The following DCDC1 variants were observed in gnomAD, a reference collection of about 807,000 sequenced individuals.
The protein encoded by DCDC1 is doublecortin domain containing 1.
A neutral mutation model predicts 178.3 loss-of-function variants in DCDC1; 200 were observed. The ratio of observed to expected loss-of-function variants is 1.12; its 90% CI spans 1.00 to 1.26. DCDC1 has a LOEUF of 1.26. DCDC1 is among the 50% of genes most tolerant of loss of function. The probability of loss-of-function intolerance (pLI) is 0.00; values close to 1 mark genes in which losing one functional copy is unlikely to be tolerated. For synonymous variants in DCDC1, 690 were observed against 604.8 expected (o/e 1.14, Z -2.07); for missense variants, 1,983 against 1,749.2 (o/e 1.13, Z -2.38).
chr11:30,954,092 T>C (rs1347923656), intron 20 of DCDC1, among the ~76,000 whole-genome samples: 2 of 143,994 alleles, frequency 1.4e-5, no homozygotes, highest in Non-Finnish European at 3.0e-5. Flanking sequence ...CTCGGCTCAC[T>C]GCAAACTCCG....
intron 9 of DCDC1, among the ~76,000 whole-genome samples, chr11:31,154,102 TC>T: frequency 1.3e-5 from 2 of 152,164 alleles, no homozygotes; most frequent in Middle Eastern, 3.4e-3. Context: ...GTGTGGCACT[TC>T]CCCTCACTCT....
chr11:30,880,948 T>C (rs980091378), intron 37 of DCDC1, among the ~76,000 whole-genome samples: 2 of 152,184 alleles, frequency 1.3e-5, no homozygotes, highest in African/African-American at 2.4e-5. Flanking sequence ...CAAGATTAAC[T>C]GAAATGCGAT....
chr11:31,047,009 A>T (rs184396305), intron 20 of DCDC1, among the ~76,000 whole-genome samples: 28 of 152,150 alleles, frequency 1.8e-4, no homozygotes, highest in Non-Finnish European at 2.9e-4. Context: ...CTTCTCTTCC[A>T]CAATGTCTTC....
chr11:30,948,223 G>T (rs545991778), intron 21 of DCDC1, among the ~76,000 whole-genome samples: 1 of 152,126 alleles, frequency 6.6e-6, no homozygotes, highest in East Asian at 1.9e-4. Flanking sequence ...GACAAGCAGA[G>T]AGCCAAATAA....
chr11:31,250,411 CACACAT>C (rs1418871689), intron 8 of DCDC1, among the ~76,000 whole-genome samples: 5 of 97,526 alleles, frequency 5.1e-5, no homozygotes, highest in African/African-American at 2.1e-4. Context: ...CACACACACA[CACACAT>C]ATACATATAT....
At position 30,915,516 on chromosome 11, in the gene DCDC1, G is replaced by C; in HGVS notation, c.3648C>G (p.Asp1216Glu). The C allele has an allele frequency of 6.2e-7, 1 of 1,613,882 alleles. No homozygotes were observed. The highest frequency in any genetic ancestry group is 2.2e-5 in the East Asian group (1 of 44,880). Residue 1216 changes from aspartate to glutamate, a missense_variant, in exon 27 of 39, where the codon GAC (aspartate) becomes GAG (glutamate). Physicochemically the swap from Asp to Glu is conservative, Grantham distance 45 (BLOSUM62 2). Transcript: ENST00000684477. ...CCCAAATATAATGGGATTACCTGCT[G>C]TCTTCCTGGTGTATCCAGCGCTGAT... Reference protein sequence around the residue: ...GSHQRWIHQEDSRTFHLVSNP... With the variant: ...GSHQRWIHQEESRTFHLVSNP...
chr11:31,164,946 TC>T (rs1555095058), intron 9 of DCDC1, among the ~76,000 whole-genome samples: 3 of 152,206 alleles, frequency 2.0e-5, no homozygotes, highest in Non-Finnish European at 4.4e-5. Context: ...ACCTTTTCTA[TC>T]ATGTTTTTAC....
At chr11:31,037,029 A>G (rs1039838690) in intron 20 of DCDC1, among the ~76,000 whole-genome samples, 5 of 152,186 alleles carry the variant, frequency 3.3e-5, no homozygotes, top group Non-Finnish European at 7.4e-5. Flanking sequence ...CAGTATTTAA[A>G]CTGAAGCAGC....
At chr11:31,059,897 A>C (rs969383183) in intron 20 of DCDC1, among the ~76,000 whole-genome samples, 1 of 152,070 alleles carries the variant, frequency 6.6e-6, no homozygotes, top group Non-Finnish European at 1.5e-5. Context: ...GGTTTTTACA[A>C]TTTATAATTA....
intron 9 of DCDC1, among the ~76,000 whole-genome samples, chr11:31,220,179 A>C (rs539260842): frequency 2.8e-4 from 43 of 152,358 alleles, no homozygotes; most frequent in African/African-American, 9.1e-4. Flanking sequence ...TAAAATTCAT[A>C]CCACAAAATA....
chr11:31,310,255 C>G (rs1948689422), intron 3 of DCDC1, among the ~76,000 whole-genome samples: 1 of 140,576 alleles, frequency 7.1e-6, no homozygotes, highest in Non-Finnish European at 1.5e-5. Context: ...TATGAATAGT[C>G]TTCAGCTTTG....
At chr11:31,034,828 T>C (rs1374560617) in intron 20 of DCDC1, among the ~76,000 whole-genome samples, 1 of 152,220 alleles carries the variant, frequency 6.6e-6, no homozygotes, top group African/African-American at 2.4e-5. Flanking sequence ...GCATTTTTGT[T>C]AATGACTACT....
At chr11:31,281,217 T>C (rs746024267) in intron 7 of DCDC1, among the ~76,000 whole-genome samples, 10 of 152,218 alleles carry the variant, frequency 6.6e-5, no homozygotes, top group Middle Eastern at 3.4e-3. Context: ...TATTTCTTCC[T>C]TTCAAATTTA....
chr11:30,996,769 T>C (rs1951296856), intron 20 of DCDC1, among the ~76,000 whole-genome samples: 1 of 152,224 alleles, frequency 6.6e-6, no homozygotes, highest in Non-Finnish European at 1.5e-5. Flanking sequence ...TAAGAATTAC[T>C]CAGTCTCAGG....
intron 9 of DCDC1, among the ~76,000 whole-genome samples, chr11:31,170,094 G>T (rs189395668): frequency 7.9e-5 from 12 of 152,280 alleles, no homozygotes; most frequent in African/African-American, 2.9e-4. Context: ...CAAAATTTTA[G>T]ATGTATGCTT....
At chr11:31,059,759 G>A (rs1416966914) in intron 20 of DCDC1, among the ~76,000 whole-genome samples, 1 of 152,028 alleles carries the variant, frequency 6.6e-6, no homozygotes, top group East Asian at 1.9e-4. Context: ...GGAGGAGAAA[G>A]TTCAAAGCAA....
intron 23 of DCDC1, among the ~76,000 whole-genome samples, chr11:30,924,773 C>T (rs549347335): frequency 6.6e-6 from 1 of 152,104 alleles, no homozygotes; most frequent in East Asian, 1.9e-4. Context: ...TCATGATGAA[C>T]ATTAAGTAGA....
At chr11:31,090,539 T>C (rs566118287) in intron 17 of DCDC1, among the ~76,000 whole-genome samples, 226 of 152,306 alleles carry the variant, frequency 1.5e-3, no homozygotes, top group African/African-American at 5.4e-3. Context: ...ATTAGAATAG[T>C]ATCTGGCTTA....
At chr11:31,102,387 C>A (rs912649326) in intron 14 of DCDC1, 105 bp from the exon 15 acceptor site, 8 of 468,260 alleles carry the variant, frequency 1.7e-5, no homozygotes, top group African/African-American at 3.9e-5. Flanking sequence ...TATGTATACT[C>A]CATTACTAAT....
Sources: allele counts gnomAD v4.1 joint callset (sites outside exome capture counted in the v4.1 genomes callset), GRCh38; gene constraint gnomAD v4.1.1; transcripts MANE v1.5; gene names NCBI Gene and HGNC (gene_info 2026-07-23, HGNC 2026-07-21).